CNKSR2: variants seen among roughly 807,000 people sequenced by gnomAD.
CNKSR2 encodes the protein connector enhancer of kinase suppressor of Ras 2.
In CNKSR2, 14 loss-of-function variants were observed where a neutral mutation model predicts 84.4. The observed-to-expected ratio is 0.17, with a 90% CI of 0.11 to 0.26. The LOEUF (loss-of-function observed/expected upper bound fraction) is 0.26, where lower values mean the gene tolerates loss of function less well. Ranked by LOEUF, CNKSR2 falls within the 10% of genes least tolerant of loss-of-function variation. The pLI, the probability that CNKSR2 is intolerant of heterozygous loss-of-function variation, is 1.00. For synonymous variants in CNKSR2, 275 were observed against 277.9 expected (o/e 0.99, Z 0.10); for missense variants, 485 against 771.2 (o/e 0.63, Z 4.40).
intron 5 of CNKSR2, among the ~76,000 whole-genome samples, chrX:21,485,820 AATAAAG>A (rs1305677690): frequency 8.9e-6 from 1 of 112,329 alleles, no homozygotes; most frequent in East Asian, 2.8e-4. Flanking sequence ...TATTTTTAGA[AATAAAG>A]ATAAATATAA....
At chrX:21,606,281 T>C (rs2092516164) in intron 18 of CNKSR2, among the ~76,000 whole-genome samples, 1 of 112,001 alleles carries the variant, frequency 8.9e-6, no homozygotes, top group South Asian at 3.7e-4. Flanking sequence ...GAAACAGTGA[T>C]TGTTAGATAA....
At chrX:21,423,327 C>T (rs2090522619) in intron 1 of CNKSR2, 1 of 110,827 alleles carries the variant, frequency 9.0e-6, no homozygotes, top group Non-Finnish European at 1.9e-5. Context: ...GGATCCCAGG[C>T]ATGGTCCCTA....
intron 17 of CNKSR2, 145 bp downstream of exon 17, chrX:21,595,540 A>G (rs1440763553): frequency 5.8e-6 from 2 of 345,599 alleles, no homozygotes; most frequent in Non-Finnish European, 1.0e-5. Context: ...ATGCAGCCAT[A>G]TCTAATTTTA....
intron 20 of CNKSR2, chrX:21,642,700 T>C (rs780860157): frequency 1.0e-4 from 74 of 712,630 alleles, no homozygotes; most frequent in Non-Finnish European, 1.2e-4. Context: ...AAATATAAAT[T>C]ACTTAAAAAT....
chrX:21,583,357 G>C (rs1015968580), intron 13 of CNKSR2, among the ~76,000 whole-genome samples: 3 of 111,484 alleles, frequency 2.7e-5, no homozygotes, highest in African/African-American at 9.8e-5. Context: ...TGGTTCTATT[G>C]TCATCCTATC....
intron 11 of CNKSR2, among the ~76,000 whole-genome samples, chrX:21,556,333 C>T (rs2092139615): frequency 9.0e-6 from 1 of 110,908 alleles, no homozygotes. Flanking sequence ...AGAAGGGTGA[C>T]AGAATTCAAG....
intron 13 of CNKSR2, among the ~76,000 whole-genome samples, chrX:21,568,249 C>T (rs1377694340): frequency 8.9e-5 from 10 of 111,778 alleles, no homozygotes; most frequent in Non-Finnish European, 1.9e-4. Flanking sequence ...GTTTGCACCA[C>T]TGCACCCCAG....
At chrX:21,604,081 C>CTCTAATTT (rs2092501068) in intron 18 of CNKSR2, among the ~76,000 whole-genome samples, 1 of 111,958 alleles carries the variant, frequency 8.9e-6, no homozygotes, top group South Asian at 3.7e-4. Context: ...AACAGTGTGT[C>CTCTAATTT]TCTAATTTTC....
At chrX:21,519,209 T>A (rs963138670) in intron 9 of CNKSR2, among the ~76,000 whole-genome samples, 1 of 111,260 alleles carries the variant, frequency 9.0e-6, no homozygotes, top group African/African-American at 3.3e-5. Flanking sequence ...AAGTTCTGGC[T>A]TATGCTAAAA....
rs189176405 is a variant in CNKSR2, at chrX:21,499,902, A to G, written c.742-1618A>G. The stretch of plus-strand genomic sequence containing the variant: ...ATGTTTCAGTTTCTTTGAATTTTAT[A>G]TACTATCATTTTCTTCTACATAATG... On this transcript the variant is annotated intron_variant, in intron 7 of 21. Coordinates refer to ENST00000379510, the MANE Select transcript of CNKSR2 (RefSeq NM_014927.5). Among the ~76,000 whole-genome samples the G allele has an allele frequency of 9.9e-5, 11 of 110,959 alleles. No individual in the cohort carries two copies. The East Asian group carries it at 1.4e-3, about 14-fold the overall frequency.
intron 11 of CNKSR2, among the ~76,000 whole-genome samples, chrX:21,539,294 T>C (rs949403220): frequency 8.9e-6 from 1 of 111,851 alleles, no homozygotes; most frequent in Non-Finnish European, 1.9e-5. Context: ...TTGTTGAAGT[T>C]CTCAGTTGTA....
intron 3 of CNKSR2, among the ~76,000 whole-genome samples, chrX:21,439,072 A>G (rs1336966806): frequency 3.6e-5 from 4 of 111,616 alleles, no homozygotes; most frequent in African/African-American, 9.7e-5. Flanking sequence ...ACCACCACCT[A>G]AGAACAGGAT....
chrX:21,376,276 G>C (rs1387361733), intron 1 of CNKSR2, among the ~76,000 whole-genome samples: 2 of 111,979 alleles, frequency 1.8e-5, no homozygotes. Context: ...TTGGCCGCTT[G>C]CTTATTCTTG....
rs750636475 is a variant in CNKSR2 at position 21,386,611 on chromosome X, A to T, written c.64+11650A>T. On this transcript the variant is annotated intron_variant, in intron 1 of 21. Coordinates refer to ENST00000379510, the MANE Select transcript of CNKSR2 (RefSeq NM_014927.5). ...GTATATATGTGGAAACTTAAGTAGGATTTGTTCAAAGTTATGCAAACATGA... is the reference window on the plus strand; with the variant it reads ...GTATATATGTGGAAACTTAAGTAGGTTTTGTTCAAAGTTATGCAAACATGA... Among the ~76,000 whole-genome samples the T allele has an allele frequency of 6.2e-5, 7 of 112,252 alleles. No homozygotes were observed. The East Asian group carries it at 2.0e-3, about 31-fold the overall frequency.
chrX:21,600,945 T>C (rs772820548), intron 17 of CNKSR2, among the ~76,000 whole-genome samples: 2 of 112,476 alleles, frequency 1.8e-5, no homozygotes, highest in Non-Finnish European at 3.8e-5. Context: ...GAGCATTTGC[T>C]CTGAAGAAAC....
chrX:21,575,834 C>A (rs946171353), intron 13 of CNKSR2, among the ~76,000 whole-genome samples: 1 of 112,271 alleles, frequency 8.9e-6, no homozygotes, highest in Non-Finnish European at 1.9e-5. Flanking sequence ...TGAAAAAAGT[C>A]ATGCTTCTCT....
At chrX:21,604,370 A>G (rs1368713189) in intron 18 of CNKSR2, among the ~76,000 whole-genome samples, 1 of 111,058 alleles carries the variant, frequency 9.0e-6, no homozygotes. Context: ...AATGTAAATG[A>G]CAAGTTAATG....
intron 20 of CNKSR2, among the ~76,000 whole-genome samples, chrX:21,614,346 C>T (rs1164546680): frequency 3.6e-5 from 4 of 111,787 alleles, no homozygotes; most frequent in Non-Finnish European, 1.9e-5. Context: ...TGCAACACTT[C>T]TCACTTTTTT....
At chrX:21,452,500 A>G (rs2090946561) in intron 4 of CNKSR2, among the ~76,000 whole-genome samples, 1 of 111,795 alleles carries the variant, frequency 8.9e-6, no homozygotes, top group Admixed American at 9.5e-5. Context: ...TGAAAAAACA[A>G]TTAGCCTTTC....
Sources: gnomAD v4.1 joint callset for allele counts (sites outside exome capture counted in the v4.1 genomes callset) on GRCh38, gnomAD v4.1.1 for gene constraint, MANE v1.5 for transcripts, NCBI Gene and HGNC (gene_info 2026-07-23, HGNC 2026-07-21) for gene names.